CDH18: variants seen among roughly 807,000 people sequenced by gnomAD.
CDH18 encodes the protein cadherin-18.
In CDH18, 31 loss-of-function variants were observed where a neutral mutation model predicts 67.9. The ratio of observed to expected loss-of-function variants is 0.46; its 90% CI spans 0.34 to 0.62. The LOEUF is 0.62. CDH18 is among the 20% of genes least tolerant of loss of function. CDH18 has a pLI of 0.01. For missense variants in CDH18, 890 were observed against 975.5 expected, an observed-to-expected ratio of 0.91 and a Z score of 1.17; for synonymous variants, 362 against 347.2, an observed-to-expected ratio of 1.04 and a Z score of -0.48.
intron 5 of CDH18, among the ~76,000 whole-genome samples, chr5:19,716,344 T>G (rs1245074747): frequency 6.6e-6 from 1 of 152,100 alleles, no homozygotes; most frequent in Non-Finnish European, 1.5e-5. Context: ...TCTTTTGCAA[T>G]AAACCTTACT....
Position 20,009,281 on chromosome 5 carries a change from AC to A in CDH18, c.-517-17268del, listed in dbSNP as rs551462974. ...TTTCCATTTTCACATTGACCGGTCT[AC>A]ATCTCATGTATCATTATAACAATTT... On this transcript the variant is annotated intron_variant, in intron 2 of 14. Transcript: ENST00000507958. 6.1e-3 allele frequency among the ~76,000 whole-genome samples: 926 copies of A among 152,228 alleles called. 4 individuals are homozygous for A. Among genetic ancestry groups the A allele is most frequent in the Middle Eastern group, 0.014 (4 of 294 alleles).
chr5:19,496,370 A>G (rs1742328882), intron 11 of CDH18, among the ~76,000 whole-genome samples: 1 of 152,188 alleles, frequency 6.6e-6, no homozygotes, highest in South Asian at 2.1e-4. Context: ...ATCTTCTGTT[A>G]GTGCTATAGC....
At position 19,727,986 on chromosome 5, in the gene CDH18, G is replaced by A. The variant is rs145317579; in HGVS notation, c.524-6520C>T. Among the ~76,000 whole-genome samples, 47 of 152,150 alleles carry A rather than the reference G, an allele frequency of 3.1e-4. 2 individuals are homozygous for A. The East Asian group carries it at 8.7e-3, about 28-fold the overall frequency. ...TATCAGTATTTATATCTCTATGTCTGAGCAATTCCTTTATTTACACTGTGT... is the reference window on the plus strand; with the variant it reads ...TATCAGTATTTATATCTCTATGTCTAAGCAATTCCTTTATTTACACTGTGT... On this transcript the variant is annotated intron_variant, in intron 4 of 12. Transcript: ENST00000382275.
intron 3 of CDH18, among the ~76,000 whole-genome samples, chr5:19,803,636 G>A (rs1777698765): frequency 1.3e-5 from 2 of 152,164 alleles, no homozygotes; most frequent in African/African-American, 2.4e-5. Flanking sequence ...GGCACAGGTC[G>A]ACTGTCATTC....
chr5:19,534,376 G>A (rs181613308), intron 9 of CDH18, among the ~76,000 whole-genome samples: 3 of 151,910 alleles, frequency 2.0e-5, no homozygotes, highest in Non-Finnish European at 4.4e-5. Context: ...GAATGAGAAT[G>A]CATGAACCCA....
At chr5:19,955,597 G>C (rs557753016) in intron 2 of CDH18, among the ~76,000 whole-genome samples, 1 of 151,926 alleles carries the variant, frequency 6.6e-6, no homozygotes, top group East Asian at 1.9e-4. Flanking sequence ...AGAGTGCCCA[G>C]GCAAACTTAA....
At chr5:19,957,982 G>C (rs982624653) in intron 2 of CDH18, among the ~76,000 whole-genome samples, 4 of 152,096 alleles carry the variant, frequency 2.6e-5, no homozygotes, top group African/African-American at 9.6e-5. Flanking sequence ...AACAGATACA[G>C]CTGACCCTTT....
intron 5 of CDH18, among the ~76,000 whole-genome samples, chr5:19,702,889 G>A (rs1763453572): frequency 6.6e-6 from 1 of 152,120 alleles, no homozygotes; most frequent in African/African-American, 2.4e-5. Flanking sequence ...ACCACTTAAG[G>A]CATTCCTGAA....
At position 19,921,812 on chromosome 5, in the gene CDH18, C is replaced by G. The variant is rs1407215101; in HGVS notation, c.-257+59248G>C. Among the ~76,000 whole-genome samples, 3 of 151,888 alleles carry G rather than the reference C, an allele frequency of 2.0e-5. No homozygotes were observed. In the East Asian group the frequency reaches 5.8e-4, roughly 29 times the overall value. On this transcript the variant is annotated intron_variant, in intron 2 of 12. Transcript: ENST00000382275. ...TAATTTTTAAAATTATGTTGATAAT[C>G]AAGTATGAAGAGAGAAATTCTCATA...
At chr5:19,568,039 A>G (rs1173898903) in intron 8 of CDH18, among the ~76,000 whole-genome samples, 2 of 152,176 alleles carry the variant, frequency 1.3e-5, no homozygotes, top group Non-Finnish European at 2.9e-5. Flanking sequence ...CATGAATACA[A>G]TTAGTACTCC....
intron 4 of CDH18, 136 bp downstream of exon 4, chr5:19,746,806 A>T: frequency 1.4e-6 from 1 of 711,762 alleles, no homozygotes; most frequent in South Asian, 2.0e-5. Context: ...GCCACAAAAA[A>T]TACTAAAATA....
chr5:20,372,640 T>C (rs1476284282), intron 1 of CDH18, among the ~76,000 whole-genome samples: 1 of 152,200 alleles, frequency 6.6e-6, no homozygotes, highest in Non-Finnish European at 1.5e-5. Flanking sequence ...CACACACACA[T>C]ACCTACATAT....
intron 2 of CDH18, among the ~76,000 whole-genome samples, chr5:20,155,538 T>C (rs569135333): frequency 6.6e-6 from 1 of 152,220 alleles, no homozygotes; most frequent in South Asian, 2.1e-4. Flanking sequence ...GTTTACTGTG[T>C]TGAGTATTTC....
At chr5:19,635,251 C>A (rs1310650638) in intron 5 of CDH18, among the ~76,000 whole-genome samples, 1 of 152,138 alleles carries the variant, frequency 6.6e-6, no homozygotes, top group East Asian at 1.9e-4. Flanking sequence ...GAAAATCCAT[C>A]TAATCACAGT....
At chr5:20,520,593 C>T (rs1292148114) in intron 1 of CDH18, among the ~76,000 whole-genome samples, 1 of 152,084 alleles carries the variant, frequency 6.6e-6, no homozygotes, top group African/African-American at 2.4e-5. Context: ...TTTTGCGTCT[C>T]AGGCCCTATA....
rs186566062 is a variant in CDH18, at chr5:20,325,752, T to C, written c.-579-70247A>G. The stretch of plus-strand genomic sequence containing the variant: ...CACCTTCTTTCCCTTACAATCATCC[T>C]TTCCAATGGTTGTTCATATTTACTG... On this transcript the variant is annotated intron_variant, in intron 1 of 14. Coordinates refer to the CDH18 transcript ENST00000507958. 3.2e-4 allele frequency among the ~76,000 whole-genome samples: 49 copies of C among 152,344 alleles called. No individual in the cohort carries two copies. The South Asian group carries it at 9.3e-3, about 29-fold the overall frequency.
chr5:20,468,888 T>C (rs2471149), intron 1 of CDH18, among the ~76,000 whole-genome samples: 99,352 of 152,090 alleles, frequency 0.65, 33,412 homozygotes, highest in Non-Finnish European at 0.75. Context: ...GGGCTAAATT[T>C]AAAATACATT....
chr5:19,496,799 G>A lies in CDH18; in HGVS notation c.1630+6193C>T, dbSNP rs146716421. Among the ~76,000 whole-genome samples the A allele has an allele frequency of 3.0e-3, 363 of 122,880 alleles. 1 individual carries two copies. The highest frequency in any genetic ancestry group is 0.011 in the African/African-American group (346 of 30,700). The allele number at this position is 122,880 out of a possible 152,430, so 80.6% of individuals were successfully genotyped here. ...TGCATTCCAGCTTAGGCAACAGAGTGAGACTCCATCTCAAAAAAAAAAAAA... is the reference window on the plus strand; with the variant it reads ...TGCATTCCAGCTTAGGCAACAGAGTAAGACTCCATCTCAAAAAAAAAAAAA... On this transcript the variant is annotated intron_variant, in intron 11 of 12. Transcript: ENST00000382275.
At chr5:19,769,931 G>A (rs1211012172) in intron 3 of CDH18, among the ~76,000 whole-genome samples, 1 of 151,612 alleles carries the variant, frequency 6.6e-6, no homozygotes, top group Non-Finnish European at 1.5e-5. Flanking sequence ...CAGAATTTGA[G>A]TACACACTTC....
Sources: gnomAD v4.1 joint callset for allele counts (sites outside exome capture counted in the v4.1 genomes callset) on GRCh38, gnomAD v4.1.1 for gene constraint, MANE v1.5 for transcripts, NCBI Gene and HGNC (gene_info 2026-07-23, HGNC 2026-07-21) for gene names.